TXK: variants seen among roughly 807,000 people sequenced by gnomAD.
TXK encodes the protein TXK tyrosine kinase.
A neutral mutation model predicts 81.0 loss-of-function variants in TXK; 60 were observed. The ratio of observed to expected loss-of-function variants is 0.74; its 90% confidence interval spans 0.60 to 0.92. The LOEUF is 0.92. TXK is among the 40% of genes least tolerant of loss of function. The pLI is 0.00. For synonymous variants in TXK, 203 were observed against 210.7 expected (o/e 0.96, Z 0.32); for missense variants, 581 against 638.3 (o/e 0.91, Z 0.97).
chr4:48,098,170 C>T (rs1384530604), intron 6 of TXK, among the ~76,000 whole-genome samples: 1 of 152,132 alleles, frequency 6.6e-6, no homozygotes, highest in Non-Finnish European at 1.5e-5. Context: ...AAAAACTTTT[C>T]AGTTTGTATG....
chr4:48,081,788 A>G (rs1239939614), intron 10 of TXK, among the ~76,000 whole-genome samples: 3 of 152,136 alleles, frequency 2.0e-5, no homozygotes, highest in Non-Finnish European at 4.4e-5. Flanking sequence ...CTCAAATCCA[A>G]CATGTCCAAA....
At chr4:48,078,256 G>A (rs939787424) in intron 11 of TXK, among the ~76,000 whole-genome samples, 2 of 152,098 alleles carry the variant, frequency 1.3e-5, no homozygotes, top group African/African-American at 4.8e-5. Flanking sequence ...TTAACTATTG[G>A]GTGAAGCAGT....
intron 6 of TXK, among the ~76,000 whole-genome samples, chr4:48,098,298 C>G (rs1718062823): frequency 6.6e-6 from 1 of 152,094 alleles, no homozygotes; most frequent in African/African-American, 2.4e-5. Flanking sequence ...AGAAATAAAT[C>G]CCATGGCACA....
intron 6 of TXK, among the ~76,000 whole-genome samples, chr4:48,100,540 A>G (rs1718154100): frequency 1.3e-5 from 2 of 152,260 alleles, no homozygotes; most frequent in South Asian, 4.1e-4. Context: ...TGTTTTCTAT[A>G]AAGTGCTGTC....
intron 6 of TXK, 110 bp downstream of exon 6, chr4:48,104,791 G>C: frequency 1.3e-6 from 1 of 768,700 alleles, no homozygotes; most frequent in Non-Finnish European, 2.1e-6. Flanking sequence ...GGGATGTAAT[G>C]ATATTTTAGA....
chr4:48,089,064 G>A (rs537886688), intron 9 of TXK, among the ~76,000 whole-genome samples: 2 of 152,134 alleles, frequency 1.3e-5, no homozygotes, highest in Admixed American at 1.3e-4. Flanking sequence ...AGATGAAGAC[G>A]ATACTTTCAG....
At chr4:48,100,134 A>T (rs1287768419) in intron 6 of TXK, among the ~76,000 whole-genome samples, 11 of 138,480 alleles carry the variant, frequency 7.9e-5, no homozygotes, top group South Asian at 2.4e-4. Context: ...ATCGCGCCAC[A>T]GCACTCCCGC....
intron 1 of TXK, among the ~76,000 whole-genome samples, chr4:48,130,511 C>G (rs533312582): frequency 6.6e-6 from 1 of 152,260 alleles, no homozygotes; most frequent in African/African-American, 2.4e-5. Context: ...ACAGAAAGCC[C>G]GAGATCGCAG....
At chr4:48,120,521 C>G (rs1184146748) in intron 1 of TXK, among the ~76,000 whole-genome samples, 1 of 150,726 alleles carries the variant, frequency 6.6e-6, no homozygotes, top group South Asian at 2.1e-4. Context: ...GACCAAGTCT[C>G]GCTCTGTCGC....
At chr4:48,093,579 T>C (rs2109433123) in intron 8 of TXK, among the ~76,000 whole-genome samples, 1 of 152,328 alleles carries the variant, frequency 6.6e-6, no homozygotes, top group East Asian at 1.9e-4. Context: ...AATATGCCTC[T>C]GGTATAGTTA....
chr4:48,085,579 T>A (rs1354927783), intron 10 of TXK, among the ~76,000 whole-genome samples: 1 of 152,096 alleles, frequency 6.6e-6, no homozygotes, highest in Non-Finnish European at 1.5e-5. Flanking sequence ...AACAGGCATT[T>A]TTATTTTTGT....
At chr4:48,113,400 TC>T in intron 2 of TXK, 91 bp from the exon 3 acceptor site, 1 of 977,562 alleles carries the variant, frequency 1.0e-6, no homozygotes, top group Non-Finnish European at 1.5e-6. Context: ...AGCAGAAAAA[TC>T]CAGGTCTCTT....
intron 6 of TXK, among the ~76,000 whole-genome samples, chr4:48,102,676 ACT>A (rs1486860212): frequency 6.6e-6 from 1 of 152,234 alleles, no homozygotes; most frequent in Non-Finnish European, 1.5e-5. Flanking sequence ...TCATTGCAGC[ACT>A]GTTTGTAACA....
Position 48,094,134 on chromosome 4 carries a change from T to C in TXK, c.652A>G (p.Arg218Gly), listed in dbSNP as rs761630813. The change falls in exon 8 of 15, where the codon AGA (arginine) becomes GGA (glycine). Residue 218 changes from arginine (R) to glycine (G), a missense_variant. Physicochemically the swap from Arg to Gly is moderately radical, Grantham distance 125 (BLOSUM62 -2). Transcript: ENST00000264316. ...NDSGQWYVAERHAFQSIPELI... is the reference protein window; with the variant it reads ...NDSGQWYVAEGHAFQSIPELI... ...TCAGGGATTGATTGAAAGGCGTGTC[T>C]TTCAGCCACATACCACTGTCCTGAG... 6.2e-7 allele frequency: 1 copy of C among 1,613,926 alleles called. No homozygotes were observed. The highest frequency in any genetic ancestry group is 1.1e-5 in the South Asian group (1 of 91,052).
intron 1 of TXK, among the ~76,000 whole-genome samples, chr4:48,122,452 T>C (rs994387142): frequency 1.3e-5 from 2 of 152,212 alleles, no homozygotes; most frequent in African/African-American, 2.4e-5. Flanking sequence ...AATAGCCCCC[T>C]GATTTGACAT....
intron 8 of TXK, among the ~76,000 whole-genome samples, chr4:48,090,632 A>T (rs1425702904): frequency 2.6e-5 from 4 of 152,220 alleles, no homozygotes; most frequent in African/African-American, 9.7e-5. Flanking sequence ...TTTCAATAAA[A>T]GCTTTCAATA....
intron 5 of TXK, among the ~76,000 whole-genome samples, chr4:48,107,899 T>TAAAAAA (rs57715867): frequency 7.8e-6 from 1 of 128,798 alleles, no homozygotes; most frequent in Admixed American, 7.4e-5. Context: ...TGTCTCTACT[T>TAAAAAA]AAAAAAAAAA....
At chr4:48,068,141 A>C (rs941550811) in intron 14 of TXK, among the ~76,000 whole-genome samples, 7 of 152,222 alleles carry the variant, frequency 4.6e-5, no homozygotes, top group Non-Finnish European at 7.3e-5. Context: ...TCAGTTACTC[A>C]GTCGTGCTAG....
intron 9 of TXK, among the ~76,000 whole-genome samples, 175 bp from the exon 10 acceptor site, chr4:48,086,812 C>A (rs1242545060): frequency 6.6e-6 from 1 of 152,166 alleles, no homozygotes; most frequent in African/African-American, 2.4e-5. Flanking sequence ...AATTCAAGGA[C>A]TCAAGTTTCA....
Sources: allele counts gnomAD v4.1 joint callset (sites outside exome capture counted in the v4.1 genomes callset), GRCh38; gene constraint gnomAD v4.1.1; transcripts MANE v1.5; gene names NCBI Gene and HGNC (gene_info 2026-07-23, HGNC 2026-07-21).